ADAM32: variants seen among roughly 807,000 people sequenced by gnomAD.
ADAM32 encodes the protein ADAM metallopeptidase domain 32.
ADAM32 carries 89 observed loss-of-function variants against 114.9 expected under a neutral mutation model. The observed-to-expected ratio is 0.77, with a 90% CI of 0.65 to 0.92. ADAM32 has a LOEUF of 0.92. Ranked by LOEUF, ADAM32 falls within the 40% of genes least tolerant of loss-of-function variation. The pLI is 0.00. For missense variants in ADAM32, 870 were observed against 932.8 expected, an observed-to-expected ratio of 0.93 and a Z score of 0.88; for synonymous variants, 285 against 307.5, an observed-to-expected ratio of 0.93 and a Z score of 0.77.
intron 16 of ADAM32, among the ~76,000 whole-genome samples, chr8:39,240,657 G>T (rs760681015): frequency 7.2e-5 from 11 of 152,188 alleles, no homozygotes; most frequent in Non-Finnish European, 1.3e-4. Context: ...TCACATGGAG[G>T]CAGACAGGAG....
chr8:39,241,538 G>C (rs1375899522), intron 16 of ADAM32, among the ~76,000 whole-genome samples: 1 of 152,164 alleles, frequency 6.6e-6, no homozygotes, highest in African/African-American at 2.4e-5. Flanking sequence ...TTGACTCTTG[G>C]CTTCTGTGCA....
intron 16 of ADAM32, among the ~76,000 whole-genome samples, chr8:39,237,777 C>G (rs904251195): frequency 5.9e-5 from 9 of 152,192 alleles, no homozygotes; most frequent in African/African-American, 2.2e-4. Context: ...CTGCCCTCAT[C>G]TGATGGTCTT....
chr8:39,194,995 C>G (rs1476330670), intron 11 of ADAM32, among the ~76,000 whole-genome samples: 2 of 152,172 alleles, frequency 1.3e-5, no homozygotes, highest in Admixed American at 1.3e-4. Context: ...TTCCAGGGGC[C>G]TGTGGTGAGA....
chr8:39,148,430 T>C (rs986806639), intron 4 of ADAM32, among the ~76,000 whole-genome samples: 7 of 152,014 alleles, frequency 4.6e-5, no homozygotes, highest in African/African-American at 1.4e-4. Context: ...AGTCGTTGAC[T>C]AACCCCTACT....
chr8:39,171,823 G>C (rs927029381), intron 10 of ADAM32, among the ~76,000 whole-genome samples: 4 of 150,522 alleles, frequency 2.7e-5, no homozygotes, highest in Non-Finnish European at 4.4e-5. Context: ...TTTAAATATT[G>C]GTTCTTATTT....
chr8:39,214,585 T>C (rs1477492021), intron 12 of ADAM32, among the ~76,000 whole-genome samples: 1 of 152,168 alleles, frequency 6.6e-6, no homozygotes, highest in Non-Finnish European at 1.5e-5. Context: ...GTTCTGGATA[T>C]TAATCCCTTG....
intron 2 of ADAM32, chr8:39,130,864 T>C (rs763915242): frequency 8.8e-6 from 4 of 457,032 alleles, no homozygotes; most frequent in African/African-American, 8.0e-5. Context: ...CTGCAGTTGT[T>C]GGGTTAGTAG....
intron 4 of ADAM32, among the ~76,000 whole-genome samples, chr8:39,147,439 A>G (rs529103899): frequency 3.3e-5 from 5 of 151,938 alleles, no homozygotes; most frequent in Non-Finnish European, 7.4e-5. Context: ...TTGTTAAATA[A>G]AATATTTATT....
At chr8:39,144,994 C>CA (rs1490066712) in intron 3 of ADAM32, among the ~76,000 whole-genome samples, 8 of 152,010 alleles carry the variant, frequency 5.3e-5, no homozygotes, top group African/African-American at 1.7e-4. Context: ...AATCAACATA[C>CA]AAAAATCATA....
Position 39,147,173 on chromosome 8 carries a change from G to A in ADAM32, c.244G>A (p.Gly82Arg), listed in dbSNP as rs1341200228. 1 of 1,013,864 alleles carries A rather than the reference G, an allele frequency of 9.9e-7. No individual in the cohort carries two copies. Among genetic ancestry groups the A allele is most frequent in the Non-Finnish European group, 1.3e-6 (1 of 761,184 alleles). 62.8% of individuals were successfully genotyped at this position (1,013,864 alleles called of 1,614,324 possible). The change falls in exon 4 of 25, where the codon GGA (glycine) becomes AGA (arginine). Residue 82 changes from glycine (G) to arginine (R), a missense_variant. Physicochemically the swap from Gly to Arg is moderately radical, Grantham distance 125. Transcript: ENST00000379907. ...TTTTATGATCTATTTGTACAATCAA[G>A]GATCTATGAATACTTATTCTTCAGA... ...DNFMIYLYNQGSMNTYSSDIQ... is the reference protein window; with the variant it reads ...DNFMIYLYNQRSMNTYSSDIQ...
intron 10 of ADAM32, 120 bp from the exon 11 acceptor site, chr8:39,186,789 C>T: frequency 1.2e-6 from 1 of 823,946 alleles, no homozygotes; most frequent in South Asian, 2.7e-5. Flanking sequence ...GTTCAAGGAT[C>T]CATATCTCCC....
intron 17 of ADAM32, among the ~76,000 whole-genome samples, chr8:39,246,632 A>C (rs1001731066): frequency 1.3e-5 from 2 of 152,244 alleles, no homozygotes; most frequent in African/African-American, 2.4e-5. Context: ...ACAGAGGCAC[A>C]ATCTTTCCCA....
chr8:39,256,762 A>G (rs1029617123), intron 18 of ADAM32, among the ~76,000 whole-genome samples: 1 of 152,050 alleles, frequency 6.6e-6, no homozygotes, highest in Non-Finnish European at 1.5e-5. Context: ...CATTTACAAC[A>G]TGATCCCCAA....
chr8:39,205,316 C>T (rs1807747440), intron 11 of ADAM32, among the ~76,000 whole-genome samples: 1 of 152,226 alleles, frequency 6.6e-6, no homozygotes, highest in Non-Finnish European at 1.5e-5. Context: ...CTACTCAAGC[C>T]TCGGCAATGG....
At chr8:39,201,122 C>T (rs1394353605) in intron 11 of ADAM32, among the ~76,000 whole-genome samples, 1 of 152,072 alleles carries the variant, frequency 6.6e-6, no homozygotes, top group African/African-American at 2.4e-5. Context: ...TTTTTGGTTC[C>T]ATATGAACTT....
At chr8:39,270,771 A>C in intron 19 of ADAM32, 105 bp from the exon 20 acceptor site, 1 of 817,288 alleles carries the variant, frequency 1.2e-6, no homozygotes, top group Admixed American at 2.9e-5. Flanking sequence ...TTTAATAATT[A>C]GTCTTATAAG....
intron 14 of ADAM32, among the ~76,000 whole-genome samples, chr8:39,228,157 A>G (rs909437773): frequency 2.0e-5 from 3 of 152,334 alleles, no homozygotes; most frequent in Middle Eastern, 6.8e-3. Flanking sequence ...GGAACACCCC[A>G]TGGGACAAAA....
intron 4 of ADAM32, among the ~76,000 whole-genome samples, chr8:39,148,026 G>A (rs1803607006): frequency 6.6e-6 from 1 of 151,956 alleles, no homozygotes; most frequent in East Asian, 1.9e-4. Flanking sequence ...TGATCCACCT[G>A]CCTTGGCCTC....
In ADAM32 at chr8:39,233,929, C is replaced by G. The variant is rs17852810; in HGVS notation, c.1665C>G (p.Thr555=). ...TTATATGTGGAAGATTAGTTTGTAC[C>G]TACCCTACTCGAAAGCCTTTCCATC... The part of the protein sequence containing the change: ...RNLICGRLVC[T]YPTRKPFHQE... The change falls in exon 16 of 25, where the codon ACC becomes ACG. Residue 555 remains threonine (T), a synonymous_variant. Transcript: ENST00000379907. 1.3e-6 allele frequency: 2 copies of G among 1,580,746 alleles called. No homozygotes were observed. Among genetic ancestry groups the G allele is most frequent in the Admixed American group, 3.5e-5 (2 of 57,070 alleles).
Sources: allele counts gnomAD v4.1 joint callset (sites outside exome capture counted in the v4.1 genomes callset), GRCh38; gene constraint gnomAD v4.1.1; transcripts MANE v1.5; gene names NCBI Gene and HGNC (gene_info 2026-07-23, HGNC 2026-07-21).